NDE1: variants seen among roughly 807,000 people sequenced by gnomAD.
NDE1 encodes nudE neurodevelopment protein 1, also known as nuclear distribution protein nudE homolog 1.
A neutral mutation model predicts 43.4 loss-of-function variants in NDE1; 28 were observed. That is an observed-to-expected ratio of 0.65 (90% CI 0.48 to 0.89). The LOEUF is 0.89. Among genes scored for constraint, NDE1 ranks in the 40% least tolerant of loss-of-function variants. The pLI is 0.00. For missense variants in NDE1, 441 were observed against 434.1 expected, an observed-to-expected ratio of 1.02 and a Z score of -0.14; for synonymous variants, 184 against 172.0, an observed-to-expected ratio of 1.07 and a Z score of -0.55.
At chr16:15,660,334 G>A (rs925339811) in intron 1 of NDE1, among the ~76,000 whole-genome samples, 17 of 151,950 alleles carry the variant, frequency 1.1e-4, no homozygotes, top group Non-Finnish European at 1.6e-4. Flanking sequence ...TTAGCTTGGC[G>A]TAGTGGCCTA....
chr16:15,681,163 T>C (rs2038154889), intron 4 of NDE1, among the ~76,000 whole-genome samples: 1 of 150,054 alleles, frequency 6.7e-6, no homozygotes, highest in African/African-American at 2.5e-5. Flanking sequence ...AATGAATTTA[T>C]TTTTGTATCT....
Position 15,726,089 on chromosome 16 carries a change from G to A in NDE1, c.*1838G>A, listed in dbSNP as rs1030960860. The A allele has an allele frequency of 5.6e-6, 1 of 178,744 alleles. No homozygotes were observed. Among genetic ancestry groups the A allele is most frequent in the African/African-American group, 2.4e-5 (1 of 42,484 alleles). The allele number at this position is 178,744 out of a possible 1,614,324, so 11.1% of individuals were successfully genotyped here. On this transcript the variant is annotated 3_prime_UTR_variant, in exon 9 of 9. Coordinates refer to ENST00000396354, the MANE Select transcript of NDE1 (RefSeq NM_017668.3). ...CTGGTAGACTTATCCATGCTCCTTA[G>A]GGAAGCCTTTCGTGGCTCCTCCTCC...
intron 8 of NDE1, chr16:15,703,925 GT>G (rs5815842): frequency 1.9e-5 from 30 of 1,606,256 alleles, no homozygotes; most frequent in Middle Eastern, 3.3e-4. Flanking sequence ...TTGTTGTTGG[GT>G]TTTTTTTGTT....
rs1472216886 is a variant in NDE1, at chr16:15,724,499, G to C, written c.*248G>C. ...ACAGACTCTGAGAAGCGAAGACCAT[G>C]TCTCCTCGTTGGAGAAACCCAATAG... is the stretch of plus-strand genomic sequence containing the variant. On this transcript the variant is annotated 3_prime_UTR_variant, in exon 9 of 9. Coordinates refer to ENST00000396354, the MANE Select transcript of NDE1 (RefSeq NM_017668.3). 1.1e-4 allele frequency: 180 copies of C among 1,608,104 alleles called. No individual in the cohort carries two copies. The highest frequency in any genetic ancestry group is 1.4e-4 in the Non-Finnish European group (167 of 1,177,830).
intron 4 of NDE1, 46 bp from the exon 5 acceptor site, chr16:15,687,329 T>C: frequency 6.2e-7 from 1 of 1,613,616 alleles, no homozygotes; most frequent in Non-Finnish European, 8.5e-7. Flanking sequence ...GCTGGAGGGA[T>C]GCTGCGGTTT....
chr16:15,687,150 C>T, intron 4 of NDE1: 3 of 1,435,436 alleles, frequency 2.1e-6, no homozygotes, highest in South Asian at 2.7e-5. Context: ...ATTTAATCCT[C>T]ATGACAGCCT....
chr16:15,695,484 A>G, intron 7 of NDE1: 1 of 951,096 alleles, frequency 1.1e-6, no homozygotes, highest in Non-Finnish European at 1.2e-6. Flanking sequence ...TGACAAAGTG[A>G]GACTTGGTCT....
At chr16:15,712,684 C>G (rs1411481464) in intron 8 of NDE1, among the ~76,000 whole-genome samples, 3 of 151,886 alleles carry the variant, frequency 2.0e-5, no homozygotes, top group African/African-American at 7.3e-5. Flanking sequence ...GAGGGACAAC[C>G]CCACAGGTCG....
chr16:15,702,589 T>TA (rs58159341), intron 8 of NDE1, among the ~76,000 whole-genome samples: 8 of 151,568 alleles, frequency 5.3e-5, no homozygotes, highest in South Asian at 2.1e-4. Context: ...ACCTTTTTTT[T>TA]ATAGAGACGG....
intron 8 of NDE1, among the ~76,000 whole-genome samples, chr16:15,698,364 C>T (rs2039102898): frequency 6.6e-6 from 1 of 151,760 alleles, no homozygotes. Flanking sequence ...AGCCACTGCA[C>T]TCCAGCCTGG....
At chr16:15,692,884 G>A (rs962854667) in intron 6 of NDE1, among the ~76,000 whole-genome samples, 7 of 151,974 alleles carry the variant, frequency 4.6e-5, no homozygotes, top group African/African-American at 1.7e-4. Flanking sequence ...CTAGAGGCAT[G>A]CAACTCCATG....
intron 4 of NDE1, chr16:15,686,649 G>A (rs2038453162): frequency 1.6e-6 from 1 of 612,894 alleles, no homozygotes; most frequent in African/African-American, 2.0e-5. Flanking sequence ...CTGCACTTCG[G>A]CCTGAGAGAC....
rs1004709390 is a variant in NDE1 at position 15,692,494 on chromosome 16, C to T, written c.703+1171C>T. Among the ~76,000 whole-genome samples, 7 of 152,002 alleles carry T rather than the reference C, an allele frequency of 4.6e-5. 1 individual carries two copies. Among genetic ancestry groups the T allele is most frequent in the Admixed American group, 2.6e-4 (4 of 15,258 alleles). On this transcript the variant is annotated intron_variant, in intron 6 of 8. Coordinates refer to ENST00000396354, the MANE Select transcript of NDE1 (RefSeq NM_017668.3). ...GTGCGATATTGGCTCGCTGTAACCC[C>T]CTCCTCCCAGGTTCAAGTGATTCTC...
chr16:15,658,566 T>C (rs891034029), intron 1 of NDE1, among the ~76,000 whole-genome samples: 9 of 152,250 alleles, frequency 5.9e-5, no homozygotes, highest in Non-Finnish European at 1.3e-4. Flanking sequence ...AAGGGAATAT[T>C]GTGCTGTCAC....
chr16:15,705,878 G>A (rs1022254897), intron 8 of NDE1, among the ~76,000 whole-genome samples: 1 of 151,048 alleles, frequency 6.6e-6, no homozygotes, highest in Non-Finnish European at 1.5e-5. Context: ...CTACTCGGGA[G>A]GGAGGCTGAG....
At chr16:15,718,340 T>C in intron 8 of NDE1, 1 of 1,609,162 alleles carries the variant, frequency 6.2e-7, no homozygotes, top group Non-Finnish European at 8.5e-7. Flanking sequence ...GCGGACCCGG[T>C]CGCTCATGGC....
intron 3 of NDE1, among the ~76,000 whole-genome samples, chr16:15,671,850 G>A (rs571996562): frequency 2.0e-5 from 3 of 151,954 alleles, no homozygotes; most frequent in South Asian, 2.1e-4. Flanking sequence ...GCCACACCAC[G>A]CCTGGCTAAT....
At chr16:15,694,083 C>T (rs1271290185) in intron 6 of NDE1, 82 bp from the exon 7 acceptor site, 18 of 1,503,510 alleles carry the variant, frequency 1.2e-5, no homozygotes, top group East Asian at 2.4e-5. Context: ...CCTCCTGTCC[C>T]GTGGTTTTGG....
chr16:15,647,520 T>C (rs529955928), upstream of NDE1, among the ~76,000 whole-genome samples: 3 of 152,248 alleles, frequency 2.0e-5, no homozygotes, highest in East Asian at 5.8e-4. Flanking sequence ...CTCTCTACAG[T>C]GGCCTTCCCT....
Sources: allele counts gnomAD v4.1 joint callset (sites outside exome capture counted in the v4.1 genomes callset), GRCh38; gene constraint gnomAD v4.1.1; transcripts MANE v1.5; gene names NCBI Gene and HGNC (gene_info 2026-07-23, HGNC 2026-07-21).